SEPTIN7: variants seen among roughly 807,000 people sequenced by gnomAD.
SEPTIN7 encodes the protein septin-7.
In SEPTIN7, 10 loss-of-function variants were observed where a neutral mutation model predicts 63.3. The observed-to-expected ratio is 0.16, with a 90% CI of 0.10 to 0.27. The LOEUF (loss-of-function observed/expected upper bound fraction) is 0.27. Ranked by LOEUF, SEPTIN7 falls within the 10% of genes least tolerant of loss-of-function variation. The probability of loss-of-function intolerance (pLI) is 1.00; values close to 1 mark genes in which losing one functional copy is unlikely to be tolerated. For synonymous variants in SEPTIN7, 131 were observed against 165.3 expected (o/e 0.79, Z 1.59); for missense variants, 310 against 521.0 (o/e 0.59, Z 3.94).
At chr7:35,819,496 T>A (rs550906063) in intron 1 of SEPTIN7, among the ~76,000 whole-genome samples, 19 of 152,322 alleles carry the variant, frequency 1.2e-4, no homozygotes, top group African/African-American at 3.4e-4. Flanking sequence ...TCTGCTTCTT[T>A]ATCATCTGTC....
intron 1 of SEPTIN7, among the ~76,000 whole-genome samples, chr7:35,825,018 A>G (rs949139900): frequency 1.3e-5 from 2 of 152,100 alleles, no homozygotes; most frequent in African/African-American, 4.8e-5. Context: ...GTAGAGTTCT[A>G]ACCTATATTT....
chr7:35,857,917 C>T (rs748921205), intron 3 of SEPTIN7, among the ~76,000 whole-genome samples: 1 of 151,964 alleles, frequency 6.6e-6, no homozygotes, highest in Non-Finnish European at 1.5e-5. Context: ...ATAGTCTAGT[C>T]CTTAACTAGG....
rs1431379416 is a variant in SEPTIN7, at chr7:35,827,191, A to G, written c.62-4301A>G. Among the ~76,000 whole-genome samples, 6 of 152,216 alleles carry G rather than the reference A, an allele frequency of 3.9e-5. No homozygotes were observed. The East Asian group carries it at 5.8e-4, about 15-fold the overall frequency. ...TTATTTGATAAATGTTTCTTCTTAAATGACTAATGTTTGAAATCAAGGAAT... is the reference window on the plus strand; with the variant it reads ...TTATTTGATAAATGTTTCTTCTTAAGTGACTAATGTTTGAAATCAAGGAAT... On this transcript the variant is annotated intron_variant, in intron 1 of 13. Coordinates refer to ENST00000350320, the MANE Select transcript of SEPTIN7 (RefSeq NM_001788.6).
chr7:35,801,423 G>T, intron 1 of SEPTIN7, 153 bp downstream of exon 1: 2 of 900,836 alleles, frequency 2.2e-6, no homozygotes, highest in Non-Finnish European at 3.1e-6. Flanking sequence ...GGCCCGGGGC[G>T]CGGCAGCGGC....
intron 1 of SEPTIN7, among the ~76,000 whole-genome samples, chr7:35,813,921 T>C (rs1029488026): frequency 2.6e-5 from 4 of 152,328 alleles, no homozygotes; most frequent in African/African-American, 2.4e-5. Flanking sequence ...TGTATTGATA[T>C]TATATTACTG....
At position 35,885,814 on chromosome 7, in the gene SEPTIN7, C is replaced by CT; in HGVS notation, c.821-8dup. 1.3e-6 allele frequency: 2 copies of CT among 1,595,632 alleles called. No individual in the cohort carries two copies. The highest frequency in any genetic ancestry group is 1.7e-5 in the Admixed American group (1 of 59,212). ...GTGGAAATATAACATATGCGGTCTG[C>CT]TTTTTTCTTACAGTTGAAAATGGTG... On this transcript the variant is annotated splice_polypyrimidine_tract_variant and intron_variant, in intron 9 of 13. Coordinates refer to ENST00000350320, the MANE Select transcript of SEPTIN7 (RefSeq NM_001788.6).
At chr7:35,849,748 T>G (rs1032367255) in intron 3 of SEPTIN7, among the ~76,000 whole-genome samples, 4 of 152,242 alleles carry the variant, frequency 2.6e-5, no homozygotes, top group African/African-American at 9.6e-5. Context: ...ACCATTTGGC[T>G]TCTCTCCTTA....
chr7:35,840,948 G>A (rs531062716), intron 3 of SEPTIN7, among the ~76,000 whole-genome samples: 10 of 152,148 alleles, frequency 6.6e-5, no homozygotes, highest in South Asian at 4.1e-4. Context: ...TCAGTAATTC[G>A]TATATTCATG....
At chr7:35,845,053 A>G (rs1015646076) in intron 3 of SEPTIN7, among the ~76,000 whole-genome samples, 29 of 152,068 alleles carry the variant, frequency 1.9e-4, no homozygotes, top group Non-Finnish European at 3.4e-4. Context: ...GTGAGACCCC[A>G]TTTCTAAAAA....
At chr7:35,884,578 T>C (rs563883766) in intron 9 of SEPTIN7, among the ~76,000 whole-genome samples, 12 of 152,306 alleles carry the variant, frequency 7.9e-5, no homozygotes, top group African/African-American at 2.6e-4. Context: ...ATGAACCACC[T>C]GGAATCAAAC....
chr7:35,818,004 GC>G (rs896109567), intron 1 of SEPTIN7, among the ~76,000 whole-genome samples: 1 of 151,462 alleles, frequency 6.6e-6, no homozygotes, highest in Non-Finnish European at 1.5e-5. Flanking sequence ...TTTACCAAAT[GC>G]CTTTTCTGGA....
At chr7:35,903,551 C>T (rs1788447578) in intron 13 of SEPTIN7, among the ~76,000 whole-genome samples, 1 of 152,146 alleles carries the variant, frequency 6.6e-6, no homozygotes, top group African/African-American at 2.4e-5. Context: ...TTTTGGCACA[C>T]AAAGGGAACA....
intron 1 of SEPTIN7, among the ~76,000 whole-genome samples, chr7:35,827,348 G>A (rs879208411): frequency 6.6e-6 from 1 of 152,002 alleles, no homozygotes; most frequent in Non-Finnish European, 1.5e-5. Context: ...ATTTCACACT[G>A]GCACTGTGAA....
intron 4 of SEPTIN7, among the ~76,000 whole-genome samples, chr7:35,865,739 A>T (rs1253637329): frequency 1.3e-5 from 2 of 152,058 alleles, no homozygotes; most frequent in Admixed American, 1.3e-4. Context: ...ATTTTCTGTC[A>T]TTTTATTCCT....
intron 11 of SEPTIN7, among the ~76,000 whole-genome samples, chr7:35,894,900 A>G (rs1414117337): frequency 6.6e-6 from 1 of 152,230 alleles, no homozygotes; most frequent in African/African-American, 2.4e-5. Context: ...CATGGTGGCT[A>G]TAATTCTCTT....
chr7:35,804,955 C>T (rs1788238326), intron 1 of SEPTIN7, among the ~76,000 whole-genome samples: 2 of 150,538 alleles, frequency 1.3e-5, no homozygotes. Context: ...GTTCTCCTGT[C>T]TCAGCCTCGC....
intron 4 of SEPTIN7, among the ~76,000 whole-genome samples, chr7:35,872,006 T>G (rs1786182564): frequency 6.6e-6 from 1 of 152,220 alleles, no homozygotes; most frequent in Non-Finnish European, 1.5e-5. Flanking sequence ...TTAGTAAGGT[T>G]TCACCCTACC....
intron 4 of SEPTIN7, among the ~76,000 whole-genome samples, chr7:35,870,617 G>A (rs1786085166): frequency 6.6e-6 from 1 of 152,102 alleles, no homozygotes; most frequent in Non-Finnish European, 1.5e-5. Context: ...TGAGATGTTA[G>A]ATTTGACTGG....
intron 1 of SEPTIN7, among the ~76,000 whole-genome samples, chr7:35,816,133 T>G (rs1417085792): frequency 4.6e-5 from 7 of 152,152 alleles, no homozygotes; most frequent in South Asian, 2.1e-4. Flanking sequence ...GATTTTGTGG[T>G]TTTTCGTGTA....
Sources: gnomAD v4.1 joint callset for allele counts (sites outside exome capture counted in the v4.1 genomes callset) on GRCh38, gnomAD v4.1.1 for gene constraint, MANE v1.5 for transcripts, NCBI Gene and HGNC (gene_info 2026-07-23, HGNC 2026-07-21) for gene names.